Variants in B3GALT1 observed in about 807,000 individuals in gnomAD.
B3GALT1 encodes UDP-Gal:betaGlcNAc beta 1,3-galactosyltransferase, polypeptide 1.
B3GALT1 carries 10 observed loss-of-function variants against 23.2 expected under a neutral mutation model. That is an observed-to-expected ratio of 0.43 (90% CI 0.27 to 0.73). B3GALT1 has a LOEUF of 0.73. Ranked by LOEUF, B3GALT1 falls within the 30% of genes least tolerant of loss-of-function variation. B3GALT1 has a pLI of 0.21. For missense variants in B3GALT1, 299 were observed against 405.4 expected (o/e 0.74, Z 2.25); for synonymous variants, 156 against 141.5 (o/e 1.10, Z -0.73).
At chr2:167,627,608 A>G (rs1309151088) in intron 2 of B3GALT1, among the ~76,000 whole-genome samples, 1 of 151,728 alleles carries the variant, frequency 6.6e-6, no homozygotes, top group Non-Finnish European at 1.5e-5. Flanking sequence ...GATTTTTGCA[A>G]TAAGGAATAA....
At chr2:167,498,544 T>C (rs924833439) in intron 2 of B3GALT1, among the ~76,000 whole-genome samples, 2 of 152,170 alleles carry the variant, frequency 1.3e-5, no homozygotes, top group Non-Finnish European at 2.9e-5. Flanking sequence ...CTATGTTATG[T>C]AGCAAGCATA....
intron 1 of B3GALT1, among the ~76,000 whole-genome samples, chr2:167,360,015 G>A (rs1574047966): frequency 6.6e-6 from 1 of 152,074 alleles, no homozygotes; most frequent in East Asian, 1.9e-4. Context: ...CATGTACCAT[G>A]TATATCTGCT....
At chr2:167,368,763 C>T (rs1230854048) in intron 1 of B3GALT1, among the ~76,000 whole-genome samples, 3 of 152,114 alleles carry the variant, frequency 2.0e-5, no homozygotes, top group Non-Finnish European at 4.4e-5. Context: ...GTTATCCTTA[C>T]CATGTTGTCT....
intron 2 of B3GALT1, among the ~76,000 whole-genome samples, chr2:167,603,883 A>T (rs1684916229): frequency 1.3e-5 from 2 of 152,024 alleles, no homozygotes; most frequent in African/African-American, 2.4e-5. Flanking sequence ...AGTCTTTAAA[A>T]GAAAAAGTTC....
At chr2:167,541,387 A>G (rs549984217) in intron 2 of B3GALT1, among the ~76,000 whole-genome samples, 1 of 152,250 alleles carries the variant, frequency 6.6e-6, no homozygotes, top group South Asian at 2.1e-4. Flanking sequence ...CTTTTTAGGT[A>G]AATTGAAGTT....
At chr2:167,405,108 G>A (rs898124988) in intron 1 of B3GALT1, among the ~76,000 whole-genome samples, 1 of 152,118 alleles carries the variant, frequency 6.6e-6, no homozygotes, top group African/African-American at 2.4e-5. Context: ...ACTCATTTGA[G>A]CCATGATGAG....
chr2:167,621,259 A>AT (rs1171290726), intron 2 of B3GALT1, among the ~76,000 whole-genome samples: 2 of 151,104 alleles, frequency 1.3e-5, no homozygotes, highest in African/African-American at 4.9e-5. Flanking sequence ...TGGCTTATAC[A>AT]TTTATTTATA....
intron 1 of B3GALT1, among the ~76,000 whole-genome samples, chr2:167,471,876 A>G (rs1424068826): frequency 2.0e-5 from 3 of 152,140 alleles, no homozygotes; most frequent in African/African-American, 2.4e-5. Context: ...TGGATAATAC[A>G]ATGGCTCTCA....
At chr2:167,842,656 T>C (rs1689673933) in intron 4 of B3GALT1, among the ~76,000 whole-genome samples, 1 of 152,118 alleles carries the variant, frequency 6.6e-6, no homozygotes, top group African/African-American at 2.4e-5. Context: ...GGAGGATCAC[T>C]TGAGCTCAGG....
intron 3 of B3GALT1, among the ~76,000 whole-genome samples, chr2:167,806,126 G>C (rs1688747357): frequency 6.6e-6 from 1 of 152,114 alleles, no homozygotes; most frequent in Admixed American, 6.5e-5. Context: ...TTGGCTCTCT[G>C]TTTGTCTGTT....
intron 1 of B3GALT1, among the ~76,000 whole-genome samples, chr2:167,404,035 T>C (rs2689850): frequency 0.95 from 143,998 of 152,198 alleles, 68,390 homozygotes; most frequent in Non-Finnish European, 0.99. Context: ...AGGTTTATTT[T>C]GCTCACAGTT....
chr2:167,689,042 G>T (rs944444714), intron 3 of B3GALT1, among the ~76,000 whole-genome samples: 1 of 151,590 alleles, frequency 6.6e-6, no homozygotes, highest in Non-Finnish European at 1.5e-5. Flanking sequence ...GCTTTGGGGA[G>T]GAGTCAAATC....
intron 1 of B3GALT1, among the ~76,000 whole-genome samples, chr2:167,373,658 A>G (rs1014269589): frequency 6.6e-6 from 1 of 152,152 alleles, no homozygotes; most frequent in African/African-American, 2.4e-5. Flanking sequence ...GCATTTAGAT[A>G]TTGACTAAAT....
chr2:167,872,706 G>A lies in B3GALT1; in HGVS notation c.*2686G>A, dbSNP rs903854023. 1 of 152,144 alleles carries A rather than the reference G, an allele frequency of 6.6e-6. No individual in the cohort carries two copies. The highest frequency in any genetic ancestry group is 2.4e-5 in the African/African-American group (1 of 41,436). 9.4% of individuals were successfully genotyped at this position (152,144 alleles called of 1,614,324 possible). On this transcript the variant is annotated 3_prime_UTR_variant, in exon 5 of 5. Coordinates refer to ENST00000392690, the MANE Select transcript of B3GALT1 (RefSeq NM_020981.4). ...TGTGCATACATTATGATACAGCCCTGATCTTTAAAAGGAGCAAAAATCAGA... is the reference window on the plus strand; with the variant it reads ...TGTGCATACATTATGATACAGCCCTAATCTTTAAAAGGAGCAAAAATCAGA...
intron 3 of B3GALT1, among the ~76,000 whole-genome samples, chr2:167,761,545 G>A (rs1265328347): frequency 1.3e-5 from 2 of 152,136 alleles, no homozygotes; most frequent in African/African-American, 4.8e-5. Flanking sequence ...TTTGTCAACT[G>A]GACTTTAAGG....
chr2:167,388,539 A>G (rs146745152), intron 1 of B3GALT1, among the ~76,000 whole-genome samples: 35 of 152,258 alleles, frequency 2.3e-4, no homozygotes, highest in Middle Eastern at 3.4e-3. Flanking sequence ...AGAATAAGAG[A>G]GTGAAAACAC....
chr2:167,633,988 A>T (rs1384178405), intron 2 of B3GALT1, among the ~76,000 whole-genome samples: 1 of 152,124 alleles, frequency 6.6e-6, no homozygotes, highest in Non-Finnish European at 1.5e-5. Flanking sequence ...AAATCATAAC[A>T]AACGGTTTCT....
intron 1 of B3GALT1, among the ~76,000 whole-genome samples, chr2:167,386,660 CTCTCA>C (rs1441054465): frequency 6.6e-6 from 1 of 152,046 alleles, no homozygotes; most frequent in African/African-American, 2.4e-5. Flanking sequence ...AGATTTTCTC[CTCTCA>C]TATCAAAGTC....
chr2:167,377,995 T>C (rs890590134), intron 1 of B3GALT1, among the ~76,000 whole-genome samples: 1 of 152,200 alleles, frequency 6.6e-6, no homozygotes, highest in African/African-American at 2.4e-5. Flanking sequence ...CCCTTAGGCA[T>C]CCCTTGTAAG....
Sources: allele counts gnomAD v4.1 joint callset (sites outside exome capture counted in the v4.1 genomes callset), GRCh38; gene constraint gnomAD v4.1.1; transcripts MANE v1.5; gene names NCBI Gene and HGNC (gene_info 2026-07-23, HGNC 2026-07-21).